FBXO21: variants seen among roughly 807,000 people sequenced by gnomAD.
FBXO21 encodes the protein F-box only protein 21.
FBXO21 carries 32 observed loss-of-function variants against 76.6 expected under a neutral mutation model. The observed-to-expected ratio is 0.42, with a 90% CI of 0.32 to 0.56. The LOEUF is 0.56. Ranked by LOEUF, FBXO21 falls within the 20% of genes least tolerant of loss-of-function variation. FBXO21 has a pLI of 0.16. For synonymous variants in FBXO21, 328 were observed against 311.5 expected (o/e 1.05, Z -0.56); for missense variants, 586 against 797.3 (o/e 0.73, Z 3.19).
chr12:117,160,893 C>T (rs140345324), intron 9 of FBXO21, among the ~76,000 whole-genome samples: 224 of 152,340 alleles, frequency 1.5e-3, no homozygotes, highest in East Asian at 0.014. Flanking sequence ...CTCTGCCACC[C>T]CAAGTGCTGG....
intron 1 of FBXO21, 24 bp from the exon 2 acceptor site, chr12:117,189,386 C>T: frequency 6.2e-7 from 1 of 1,613,664 alleles, no homozygotes; most frequent in Non-Finnish European, 8.5e-7. Context: ...AACACCCCCT[C>T]AGCTTAACAG....
At chr12:117,151,670 T>A (rs1955843913) in intron 11 of FBXO21, among the ~76,000 whole-genome samples, 1 of 152,030 alleles carries the variant, frequency 6.6e-6, no homozygotes, top group Admixed American at 6.6e-5. Context: ...CATAAAATTG[T>A]CCCACGTGAT....
In FBXO21 at chr12:117,142,685, A is replaced by C. The variant is rs1338171503; in HGVS notation, c.*3402T>G. ...CTCTCCTTCCCTCCAAAAAAAAAAA[A>C]AAAAAAAAAAGACAAAATAAAAACA... On this transcript the variant is annotated 3_prime_UTR_variant, in exon 12 of 12. Transcript: ENST00000622495. 4 of 151,668 alleles carry C rather than the reference A, an allele frequency of 2.6e-5. No individual in the cohort carries two copies. Among genetic ancestry groups the C allele is most frequent in the Non-Finnish European group, 5.9e-5 (4 of 67,944 alleles). The allele number at this position is 151,668 out of a possible 1,614,324, so 9.4% of individuals were successfully genotyped here. A position where few individuals can be genotyped will look rare whatever the true frequency, so the allele number is the denominator to read the frequency against.
chr12:117,178,137 T>C (rs986332408), intron 3 of FBXO21, among the ~76,000 whole-genome samples: 2 of 152,102 alleles, frequency 1.3e-5, no homozygotes, highest in African/African-American at 4.8e-5. Context: ...AGCTGAGCAC[T>C]TTCATCTTTC....
Position 117,142,459 on chromosome 12 carries a change from T to C in FBXO21, c.*3628A>G, listed in dbSNP as rs1043475245. ...TAAAAACAGAGAACATGTGACAGTCTGTACGTGGCCTGCAAAGCCTAAAAT... is the reference window on the plus strand; with the variant it reads ...TAAAAACAGAGAACATGTGACAGTCCGTACGTGGCCTGCAAAGCCTAAAAT... On this transcript the variant is annotated 3_prime_UTR_variant, in exon 12 of 12. Transcript: ENST00000622495. 1.3e-5 allele frequency: 2 copies of C among 152,270 alleles called. No individual in the cohort carries two copies. The highest frequency in any genetic ancestry group is 2.9e-5 in the Non-Finnish European group (2 of 68,034). 9.4% of individuals were successfully genotyped at this position (152,270 alleles called of 1,614,324 possible).
At chr12:117,188,676 CT>C (rs772150694) in intron 2 of FBXO21, 14 of 147,968 alleles carry the variant, frequency 9.5e-5, no homozygotes, top group Non-Finnish European at 1.3e-4. Context: ...AACCCAAAAA[CT>C]TTTCAGGGAT....
chr12:117,148,366 T>G (rs965234164), intron 11 of FBXO21, among the ~76,000 whole-genome samples: 3 of 152,238 alleles, frequency 2.0e-5, no homozygotes, highest in African/African-American at 7.2e-5. Flanking sequence ...GGAAGAGCAG[T>G]GTAAACGTCC....
chr12:117,190,264 G>A lies in FBXO21; in HGVS notation c.193C>T (p.Leu65=), dbSNP rs770454884. Residue 65 remains leucine (L), a synonymous_variant, in exon 1 of 12, where the codon CTG becomes TTG. Coordinates refer to ENST00000622495, the MANE Select transcript of FBXO21 (RefSeq NM_015002.3). ...CACACCTTCCCGCTGCTCTGGCACA[G>A]CTCGCGCAGCCGCCGGCAGGTGCTG... ...VSSTCRRLRE[L]CQSSGKVWKE... The A allele has an allele frequency of 6.5e-7, 1 of 1,546,094 alleles. No individual in the cohort carries two copies. Among genetic ancestry groups the A allele is most frequent in the African/African-American group, 1.4e-5 (1 of 70,364 alleles).
intron 7 of FBXO21, among the ~76,000 whole-genome samples, chr12:117,169,896 C>A (rs757808636): frequency 9.9e-5 from 15 of 151,988 alleles, no homozygotes; most frequent in Non-Finnish European, 1.3e-4. Flanking sequence ...ACAAAAAGAT[C>A]TAACCAGCAG....
At chr12:117,165,062 A>G (rs1340809426) in intron 9 of FBXO21, among the ~76,000 whole-genome samples, 1 of 152,250 alleles carries the variant, frequency 6.6e-6, no homozygotes, top group Non-Finnish European at 1.5e-5. Flanking sequence ...CAGTGGCTGG[A>G]CTTGAACATA....
In FBXO21 at chr12:117,155,892, T is replaced by C; in HGVS notation, c.1574A>G (p.Glu525Gly). 1 of 1,614,160 alleles carries C rather than the reference T, an allele frequency of 6.2e-7. No individual in the cohort carries two copies. Among genetic ancestry groups the C allele is most frequent in the Non-Finnish European group, 8.5e-7 (1 of 1,180,014 alleles). The change falls in exon 11 of 12, where the codon GAG becomes GGG. Residue 525 changes from glutamate to glycine, a missense_variant. This residue lies in a region of FBXO21 where 164 missense variants were observed against 236.7 expected (regional missense o/e 0.69). Transcript: ENST00000622495. Reference protein sequence around the residue: ...GWDPTCMMGHEWIRNMNVHSL... With the variant: ...GWDPTCMMGHGWIRNMNVHSL... ...GTGGACGTTCATGTTCCGGATCCAC[T>C]CGTGTCCCATCATGCAGGTGGGGTC...
intron 7 of FBXO21, among the ~76,000 whole-genome samples, chr12:117,169,363 A>T (rs531809866): frequency 5.2e-4 from 79 of 152,330 alleles, no homozygotes; most frequent in Middle Eastern, 3.4e-3. Flanking sequence ...AACTATGGGC[A>T]CTAGGCTTAA....
At chr12:117,181,636 T>TCTAA (rs1956234845) in intron 3 of FBXO21, among the ~76,000 whole-genome samples, 6 of 151,168 alleles carry the variant, frequency 4.0e-5, no homozygotes, top group African/African-American at 1.5e-4. Context: ...TATCTATCTA[T>TCTAA]CTATCTATCT....
rs1029632916 is a variant in FBXO21, at chr12:117,145,409, CAA to C, written c.*676_*677del. 1 of 151,064 alleles carries C rather than the reference CAA, an allele frequency of 6.6e-6. No homozygotes were observed. The highest frequency in any genetic ancestry group is 2.4e-5 in the African/African-American group (1 of 41,110). The allele number at this position is 151,064 out of a possible 1,614,324, so 9.4% of individuals were successfully genotyped here. A position where few individuals can be genotyped will look rare whatever the true frequency, so the allele number is the denominator to read the frequency against. ...TGATTTATAGAGATGTGCATAAACT[CAA>C]GAGAGGAATATGGAAGGGAAAACTG... On this transcript the variant is annotated 3_prime_UTR_variant, in exon 12 of 12. Coordinates refer to ENST00000622495, the MANE Select transcript of FBXO21 (RefSeq NM_015002.3).
At chr12:117,176,443 C>T (rs1004929345) in intron 4 of FBXO21, among the ~76,000 whole-genome samples, 3 of 152,044 alleles carry the variant, frequency 2.0e-5, no homozygotes, top group African/African-American at 4.8e-5. Context: ...CTGGAGAGTA[C>T]GGAGCAAAGG....
Position 117,145,229 on chromosome 12 carries a change from G to A in FBXO21, c.*858C>T, listed in dbSNP as rs1955755814. ...CAAAAAGAACCCATCACTGATGTAAGACCTACTCATGATACTGAAGTAGAT... is the reference window on the plus strand; with the variant it reads ...CAAAAAGAACCCATCACTGATGTAAAACCTACTCATGATACTGAAGTAGAT... On this transcript the variant is annotated 3_prime_UTR_variant, in exon 12 of 12. Coordinates refer to ENST00000622495, the MANE Select transcript of FBXO21 (RefSeq NM_015002.3). 1 of 151,720 alleles carries A rather than the reference G, an allele frequency of 6.6e-6. No individual in the cohort carries two copies. Among genetic ancestry groups the A allele is most frequent in the Admixed American group, 6.6e-5 (1 of 15,226 alleles). 9.4% of individuals were successfully genotyped at this position (151,720 alleles called of 1,614,324 possible).
intron 2 of FBXO21, 22 bp downstream of exon 2, chr12:117,189,205 A>AGCC (rs1350281607): frequency 6.2e-7 from 1 of 1,614,012 alleles, no homozygotes; most frequent in African/African-American, 1.3e-5. Flanking sequence ...CAAAGCTTAG[A>AGCC]GCCACATCAA....
intron 2 of FBXO21, among the ~76,000 whole-genome samples, chr12:117,187,610 T>G (rs1265128346): frequency 2.0e-5 from 3 of 152,148 alleles, no homozygotes; most frequent in Non-Finnish European, 4.4e-5. Context: ...GCTCCCGCTG[T>G]GTTCAAAGTC....
chr12:117,146,426 T>A (rs1955771261), intron 11 of FBXO21, 149 bp from the exon 12 acceptor site: 2 of 647,476 alleles, frequency 3.1e-6, no homozygotes, highest in South Asian at 4.1e-5. Context: ...CAGGAGAGGG[T>A]AATGGGAAAA....
Sources: gnomAD v4.1 joint callset for allele counts (sites outside exome capture counted in the v4.1 genomes callset) on GRCh38, gnomAD v4.1.1 for gene constraint, gnomAD v4.1.1 regional missense constraint, MANE v1.5 for transcripts, NCBI Gene and HGNC (gene_info 2026-07-23, HGNC 2026-07-21) for gene names.